GSE1: variants seen among roughly 807,000 people sequenced by gnomAD.
GSE1 encodes the protein genetic suppressor element 1.
GSE1 carries 32 observed loss-of-function variants against 112.6 expected under a neutral mutation model. The observed-to-expected ratio is 0.28, with a 90% CI of 0.21 to 0.38. The LOEUF (loss-of-function observed/expected upper bound fraction) is 0.38, where lower values mean the gene tolerates loss of function less well. GSE1 is among the 10% of genes least tolerant of loss of function. The probability of loss-of-function intolerance (pLI) is 1.00; values close to 1 mark genes in which losing one functional copy is unlikely to be tolerated. For missense variants in GSE1, 2,348 were observed against 1,699.2 expected (o/e 1.38, Z -6.71); for synonymous variants, 1,115 against 735.6 (o/e 1.52, Z -8.35).
At chr16:85,298,178 GT>G (rs2045420041) in intron 1 of GSE1, among the ~76,000 whole-genome samples, 1 of 152,210 alleles carries the variant, frequency 6.6e-6, no homozygotes, top group Non-Finnish European at 1.5e-5. Flanking sequence ...CTGGGACTCT[GT>G]ATTTCTGATG....
At chr16:85,197,238 G>A (rs1393426223) in intron 1 of GSE1, among the ~76,000 whole-genome samples, 1 of 152,140 alleles carries the variant, frequency 6.6e-6, no homozygotes, top group East Asian at 1.9e-4. Flanking sequence ...GTGGGAAGGG[G>A]GATTGTGGGA....
intron 1 of GSE1, among the ~76,000 whole-genome samples, chr16:85,263,917 C>T (rs543595818): frequency 1.3e-5 from 2 of 152,308 alleles, no homozygotes; most frequent in Non-Finnish European, 2.9e-5. Flanking sequence ...CCTCTGCCGT[C>T]CTGGCCTCAC....
intron 1 of GSE1, among the ~76,000 whole-genome samples, chr16:85,205,265 GGAATTAC>G (rs2075095666): frequency 6.6e-6 from 1 of 152,086 alleles, no homozygotes. Context: ...CCGAGTAGCT[GGAATTAC>G]AGGTGCCCAC....
chr16:85,543,401 A>G (rs2044591936), intron 2 of GSE1, among the ~76,000 whole-genome samples: 1 of 152,176 alleles, frequency 6.6e-6, no homozygotes, highest in African/African-American at 2.4e-5. Context: ...GGTTTTGTTT[A>G]GGTTGGGGAG....
At chr16:85,545,398 G>A (rs916524280) in intron 2 of GSE1, among the ~76,000 whole-genome samples, 36 of 152,172 alleles carry the variant, frequency 2.4e-4, no homozygotes, top group African/African-American at 8.4e-4. Flanking sequence ...CTGCAGATGC[G>A]GTGTTCTTGC....
At chr16:85,401,458 C>A (rs1206001032) in intron 2 of GSE1, among the ~76,000 whole-genome samples, 4 of 152,134 alleles carry the variant, frequency 2.6e-5, no homozygotes, top group African/African-American at 9.7e-5. Context: ...GCCTGCTGAC[C>A]CCAAGAGGGG....
chr16:85,181,870 G>T (rs1441132061), intron 1 of GSE1, among the ~76,000 whole-genome samples: 1 of 152,182 alleles, frequency 6.6e-6, no homozygotes, highest in Non-Finnish European at 1.5e-5. Context: ...AGCATGGCGG[G>T]GCCTTGCCAC....
In GSE1 at chr16:85,654,845, C is replaced by G. The variant is rs1401654472; in HGVS notation, c.651C>G (p.Asp217Glu). 6.8e-6 allele frequency: 11 copies of G among 1,612,058 alleles called. No homozygotes were observed. The highest frequency in any genetic ancestry group is 8.5e-6 in the Non-Finnish European group (10 of 1,179,646). Residue 217 changes from aspartate (D) to glutamate (E), a missense_variant, in exon 5 of 16, where the codon GAC becomes GAG. Asp to Glu is a conservative substitution (Grantham distance 45, BLOSUM62 2). Coordinates refer to ENST00000253458, the MANE Select transcript of GSE1 (RefSeq NM_014615.5). Reference sequence around the variant, plus strand: ...TGCCCCCCAGTACCGTGACCGAGGACTACCTGAGAAGCTTCCGGCCCTACC... The same window carrying G: ...TGCCCCCCAGTACCGTGACCGAGGAGTACCTGAGAAGCTTCCGGCCCTACC... The part of the protein sequence containing the change: ...HVVPPSTVTE[D>E]YLRSFRPYHT...
chr16:85,620,861 G>C (rs1598411708), intron 1 of GSE1, among the ~76,000 whole-genome samples: 1 of 152,124 alleles, frequency 6.6e-6, no homozygotes, highest in Non-Finnish European at 1.5e-5. Context: ...ATGGGTGTCT[G>C]CTGTGTTGGG....
At chr16:85,578,625 C>G (rs987097228) in intron 1 of GSE1, among the ~76,000 whole-genome samples, 14 of 152,182 alleles carry the variant, frequency 9.2e-5, no homozygotes, top group African/African-American at 3.1e-4. Context: ...GTGGTAGATG[C>G]AGGAATCTAA....
intron 2 of GSE1, among the ~76,000 whole-genome samples, chr16:85,494,828 C>T (rs920766849): frequency 2.6e-5 from 4 of 152,268 alleles, no homozygotes; most frequent in African/African-American, 7.2e-5. Flanking sequence ...CCCTGTTCTT[C>T]TGATGAGGAA....
intron 2 of GSE1, among the ~76,000 whole-genome samples, chr16:85,402,797 C>G (rs1282515994): frequency 1.3e-5 from 2 of 152,084 alleles, no homozygotes; most frequent in African/African-American, 2.4e-5. Context: ...CTCCTGTAGT[C>G]CCAGTTACTT....
Position 85,577,588 on chromosome 16 carries a change from TCA to T in GSE1, c.37+21228_37+21229del, listed in dbSNP as rs145578899. On this transcript the variant is annotated intron_variant, in intron 1 of 2. Coordinates refer to the GSE1 transcript ENST00000635906. ...AGGCAGCGCTGCGATTATCCCCCTT[TCA>T]CAGAGGAGGGGCTGACCCCAGAGAG... Among the ~76,000 whole-genome samples, 235 of 152,228 alleles carry T rather than the reference TCA, an allele frequency of 1.5e-3. 4 individuals are homozygous for T. The East Asian group carries it at 0.026, about 17-fold the overall frequency.
intron 2 of GSE1, among the ~76,000 whole-genome samples, chr16:85,403,099 G>GGA (rs397776216): frequency 2.0e-5 from 3 of 151,624 alleles, no homozygotes; most frequent in South Asian, 2.1e-4. Context: ...GCTGGGGGGG[G>GGA]ACTCAGTTCC....
At chr16:85,217,029 G>A (rs1406765600) in intron 1 of GSE1, among the ~76,000 whole-genome samples, 1 of 152,242 alleles carries the variant, frequency 6.6e-6, no homozygotes, top group African/African-American at 2.4e-5. Context: ...GGGCCGTAGA[G>A]GCGAGTGGCT....
chr16:85,422,732 T>C (rs1480754195), intron 2 of GSE1, among the ~76,000 whole-genome samples: 2 of 152,068 alleles, frequency 1.3e-5, no homozygotes, highest in Non-Finnish European at 2.9e-5. Flanking sequence ...GCTTGGGGAC[T>C]TGGGAGGCCG....
At position 85,630,269 on chromosome 16, in the gene GSE1, A is replaced by G. The variant is rs187963528; in HGVS notation, c.8-3645A>G. Reference sequence around the variant, plus strand: ...CATTATACTCTGTTCATCAGAAGTGAGTTGCTCAGTCTGGCCCACGCTTGG... The same window carrying G: ...CATTATACTCTGTTCATCAGAAGTGGGTTGCTCAGTCTGGCCCACGCTTGG... On this transcript the variant is annotated intron_variant, in intron 1 of 15. Transcript: ENST00000253458. 2.9e-4 allele frequency among the ~76,000 whole-genome samples: 44 copies of G among 152,324 alleles called. No individual in the cohort carries two copies. In the East Asian group the frequency reaches 7.7e-3, roughly 27 times the overall value.
intron 2 of GSE1, among the ~76,000 whole-genome samples, chr16:85,392,252 T>A (rs1290202070): frequency 6.6e-6 from 1 of 152,228 alleles, no homozygotes; most frequent in East Asian, 1.9e-4. Context: ...CCTTCAGGAC[T>A]ACAGCAGGCC....
chr16:85,572,731 C>T (rs1363605450), intron 1 of GSE1, among the ~76,000 whole-genome samples: 2 of 152,210 alleles, frequency 1.3e-5, no homozygotes, highest in Non-Finnish European at 2.9e-5. Flanking sequence ...GGGGCCCCTG[C>T]TGCTCCAGGA....
Sources: gnomAD v4.1 joint callset for allele counts (sites outside exome capture counted in the v4.1 genomes callset) on GRCh38, gnomAD v4.1.1 for gene constraint, MANE v1.5 for transcripts, NCBI Gene and HGNC (gene_info 2026-07-23, HGNC 2026-07-21) for gene names.